Variants in CATSPER3 observed in about 807,000 individuals in gnomAD.
The protein encoded by CATSPER3 is cation channel sperm-associated protein 3.
A neutral mutation model predicts 36.6 loss-of-function variants in CATSPER3; 23 were observed. That is an observed-to-expected ratio of 0.63 (90% CI 0.45 to 0.89). The LOEUF (loss-of-function observed/expected upper bound fraction) is 0.89. Ranked by LOEUF, CATSPER3 falls within the 40% of genes least tolerant of loss-of-function variation. The pLI is 0.00. For missense variants in CATSPER3, 474 were observed against 503.9 expected (o/e 0.94, Z 0.57); for synonymous variants, 172 against 184.1 (o/e 0.93, Z 0.53).
chr5:134,969,900 T>C, intron 1 of CATSPER3, 39 bp from the exon 2 acceptor site: 1 of 1,611,378 alleles, frequency 6.2e-7, no homozygotes. Context: ...TCTAGCTCTA[T>C]TGTGCTGTAA....
chr5:134,991,745 C>T (rs993356977), intron 2 of CATSPER3, among the ~76,000 whole-genome samples: 2 of 152,116 alleles, frequency 1.3e-5, no homozygotes, highest in Non-Finnish European at 2.9e-5. Flanking sequence ...GATTCTTACA[C>T]ATGACATTAA....
Position 135,007,025 on chromosome 5 carries a change from G to T in CATSPER3, c.493-932G>T, listed in dbSNP as rs182848660. On this transcript the variant is annotated intron_variant, in intron 3 of 7. Coordinates refer to ENST00000282611, the MANE Select transcript of CATSPER3 (RefSeq NM_178019.3). Reference sequence around the variant, plus strand: ...GCTCTTGGACTGCCTCTGTTTCCCAGGTTACCCCAAACTGTCCAAACTGTA... The same window carrying T: ...GCTCTTGGACTGCCTCTGTTTCCCATGTTACCCCAAACTGTCCAAACTGTA... 3.3e-3 allele frequency among the ~76,000 whole-genome samples: 495 copies of T among 152,224 alleles called. 4 individuals are homozygous for T. Among genetic ancestry groups the T allele is most frequent in the African/African-American group, 0.011 (456 of 41,532 alleles).
chr5:134,993,922 C>T (rs576003570), intron 2 of CATSPER3, among the ~76,000 whole-genome samples: 14 of 152,200 alleles, frequency 9.2e-5, no homozygotes, highest in East Asian at 3.9e-4. Context: ...ATCAGGAGTT[C>T]GAGATCAGCC....
chr5:135,010,334 C>T, intron 6 of CATSPER3, 39 bp from the exon 7 acceptor site: 4 of 1,594,912 alleles, frequency 2.5e-6, no homozygotes, highest in South Asian at 1.1e-5. Flanking sequence ...CGGCTGTCAC[C>T]TCCTCATCAC....
chr5:135,007,995 G>GTA lies in CATSPER3; in HGVS notation c.531_532insTA (p.Ala178Ter). ...CCGTGGGGCAGACAGTCTACACCGT[G>GTA]GCCTCTGTGCTCCTCCTGCTCTTCC... On this transcript the variant is annotated frameshift_variant, in exon 4 of 8. Coordinates refer to ENST00000282611, the MANE Select transcript of CATSPER3 (RefSeq NM_178019.3). LOFTEE classifies it high-confidence loss of function. 6.2e-7 allele frequency: 1 copy of GTA among 1,614,146 alleles called. No homozygotes were observed. The highest frequency in any genetic ancestry group is 8.5e-7 in the Non-Finnish European group (1 of 1,180,024).
intron 2 of CATSPER3, among the ~76,000 whole-genome samples, chr5:134,994,317 A>G (rs1239342123): frequency 6.6e-6 from 1 of 152,256 alleles, no homozygotes; most frequent in Non-Finnish European, 1.5e-5. Context: ...CATAATTTAA[A>G]CATATAAAAA....
At chr5:135,006,407 T>A (rs1237562393) in intron 3 of CATSPER3, among the ~76,000 whole-genome samples, 1 of 152,146 alleles carries the variant, frequency 6.6e-6, no homozygotes, top group African/African-American at 2.4e-5. Flanking sequence ...CCACCCAGTG[T>A]TCCTCCCTTC....
intron 3 of CATSPER3, among the ~76,000 whole-genome samples, chr5:134,997,931 T>A (rs182109255): frequency 1.3e-4 from 20 of 152,352 alleles, no homozygotes; most frequent in East Asian, 3.8e-4. Flanking sequence ...GTTGTTTTTT[T>A]AAAAATTATT....
chr5:135,004,611 C>T (rs1233562941), intron 3 of CATSPER3, among the ~76,000 whole-genome samples: 1 of 152,152 alleles, frequency 6.6e-6, no homozygotes, highest in Non-Finnish European at 1.5e-5. Context: ...ACCAAGGGAG[C>T]AGGGGCCAGG....
rs774873439 is a variant in CATSPER3 at position 135,008,139 on chromosome 5, G to A, written c.675G>A (p.Thr225=). 19 of 1,613,608 alleles carry A rather than the reference G, an allele frequency of 1.2e-5. No homozygotes were observed. Among genetic ancestry groups the A allele is most frequent in the Admixed American group, 1.7e-5 (1 of 60,022 alleles). The change falls in exon 4 of 8, where the codon ACG becomes ACA. Residue 225 remains threonine (T), a splice_region_variant and synonymous_variant. Transcript: ENST00000282611. ...TTTTCACCCTCTTCAGCTTGGCCAC[G>A]GTACTGTGTTTGGGAACAGTGGTGA... ...AAFFTLFSLA[T]VDGWTDLQKQ...
chr5:134,979,568 C>G (rs904474478), intron 2 of CATSPER3, among the ~76,000 whole-genome samples: 1 of 152,156 alleles, frequency 6.6e-6, no homozygotes, highest in East Asian at 1.9e-4. Context: ...GAATTTCTTA[C>G]AAACATTAAA....
rs558764046 is a variant in CATSPER3, at chr5:134,984,930, C to T, written c.253-11343C>T. Among the ~76,000 whole-genome samples the T allele has an allele frequency of 1.6e-4, 24 of 152,218 alleles. No individual in the cohort carries two copies. The Middle Eastern group carries it at 0.014, about 86-fold the overall frequency. ...TGCTCTCAGGTTCAAGTGATTCTCC[C>T]GCCTCAGCTTCCCGAGTAGCTGTGA... On this transcript the variant is annotated intron_variant, in intron 2 of 7. Transcript: ENST00000282611.
intron 3 of CATSPER3, among the ~76,000 whole-genome samples, chr5:134,997,137 C>T (rs1261287801): frequency 3.9e-5 from 6 of 152,258 alleles, no homozygotes; most frequent in African/African-American, 1.2e-4. Context: ...CCTAGCTCTG[C>T]ACCCAGTGTC....
intron 2 of CATSPER3, among the ~76,000 whole-genome samples, chr5:134,989,537 T>C (rs1405769100): frequency 6.6e-6 from 1 of 152,252 alleles, no homozygotes; most frequent in African/African-American, 2.4e-5. Flanking sequence ...AGATAAGTTA[T>C]TTTCTCAAAC....
rs558314953 is a variant in CATSPER3, at chr5:134,994,056, C to T, written c.253-2217C>T. 1.4e-4 allele frequency among the ~76,000 whole-genome samples: 22 copies of T among 152,182 alleles called. No homozygotes were observed. In the South Asian group the frequency reaches 1.7e-3, roughly 11 times the overall value. On this transcript the variant is annotated intron_variant, in intron 2 of 7. Coordinates refer to ENST00000282611, the MANE Select transcript of CATSPER3 (RefSeq NM_178019.3). ...AGGAGAGTTGCTTGAACCTGGGAGG[C>T]GGAGGTTGCAGTGTGCTGAGATTGT...
chr5:135,001,210 T>A (rs1476695835), intron 3 of CATSPER3, among the ~76,000 whole-genome samples: 1 of 152,254 alleles, frequency 6.6e-6, no homozygotes, highest in Non-Finnish European at 1.5e-5. Context: ...TATGTAGTCA[T>A]TCAGGAGCAG....
At chr5:135,006,276 C>T (rs1752085095) in intron 3 of CATSPER3, among the ~76,000 whole-genome samples, 1 of 152,172 alleles carries the variant, frequency 6.6e-6, no homozygotes, top group Admixed American at 6.5e-5. Flanking sequence ...TCTGTTCCTC[C>T]ACTGCTGCTC....
intron 4 of CATSPER3, 78 bp downstream of exon 4, chr5:135,008,217 TG>T (rs1368641547): frequency 1.6e-6 from 2 of 1,222,770 alleles, no homozygotes; most frequent in African/African-American, 3.0e-5. Context: ...TGTGGACATG[TG>T]GGGCCTCACA....
chr5:134,978,985 G>A (rs1364236721), intron 2 of CATSPER3, among the ~76,000 whole-genome samples: 1 of 152,124 alleles, frequency 6.6e-6, no homozygotes, highest in East Asian at 1.9e-4. Flanking sequence ...GCCTCCCAAA[G>A]TGCTGGGATT....
Sources: gnomAD v4.1 joint callset for allele counts (sites outside exome capture counted in the v4.1 genomes callset) on GRCh38, gnomAD v4.1.1 for gene constraint, MANE v1.5 for transcripts, NCBI Gene and HGNC (gene_info 2026-07-23, HGNC 2026-07-21) for gene names.